Variants in PCDH15 observed in about 807,000 individuals in gnomAD.
PCDH15 encodes protocadherin-15.
PCDH15 carries 129 observed loss-of-function variants against 178.5 expected under a neutral mutation model. That is an observed-to-expected ratio of 0.72 (90% CI 0.63 to 0.84). The LOEUF is 0.84. Among genes scored for constraint, PCDH15 ranks in the 40% least tolerant of loss-of-function variants. The pLI is 0.00. For synonymous variants in PCDH15, 800 were observed against 732.0 expected, an observed-to-expected ratio of 1.09 and a Z score of -1.50; for missense variants, 2,230 against 2,099.9, an observed-to-expected ratio of 1.06 and a Z score of -1.21.
At chr10:54,097,280 A>G (rs1481861949) in intron 15 of PCDH15, among the ~76,000 whole-genome samples, 1 of 152,200 alleles carries the variant, frequency 6.6e-6, no homozygotes, top group African/African-American at 2.4e-5. Context: ...GAATGATTTC[A>G]TCTCTACTAC....
intron 2 of PCDH15, among the ~76,000 whole-genome samples, chr10:54,634,452 T>C (rs1326984959): frequency 6.6e-6 from 1 of 152,070 alleles, no homozygotes; most frequent in African/African-American, 2.4e-5. Context: ...ATTTTAATTA[T>C]TGGAGGTCAT....
chr10:55,266,105 A>G (rs138234368), intron 1 of PCDH15, among the ~76,000 whole-genome samples: 1 of 152,282 alleles, frequency 6.6e-6, no homozygotes, highest in East Asian at 1.9e-4. Flanking sequence ...TGTTGCTGTT[A>G]CTATATTTCA....
intron 8 of PCDH15, among the ~76,000 whole-genome samples, chr10:54,239,405 C>G (rs1298808916): frequency 7.0e-6 from 1 of 142,136 alleles, no homozygotes; most frequent in African/African-American, 2.9e-5. Context: ...ACACATTTGC[C>G]TGTGATTAAA....
chr10:53,885,541 T>C (rs1392934475), intron 26 of PCDH15, among the ~76,000 whole-genome samples: 4 of 152,148 alleles, frequency 2.6e-5, no homozygotes, highest in East Asian at 1.9e-4. Context: ...GAGATAATTA[T>C]TTATTTTTTC....
At chr10:54,076,364 CAT>C (rs754796645) in intron 17 of PCDH15, among the ~76,000 whole-genome samples, 21 of 152,202 alleles carry the variant, frequency 1.4e-4, no homozygotes, top group Admixed American at 2.6e-4. Flanking sequence ...AAACATGAAA[CAT>C]GTGTATGGAA....
intron 17 of PCDH15, among the ~76,000 whole-genome samples, chr10:54,077,805 G>A (rs1167723767): frequency 2.0e-5 from 3 of 152,210 alleles, no homozygotes; most frequent in African/African-American, 7.2e-5. Context: ...GCTCACGCCT[G>A]TAACCCCAGC....
chr10:54,107,916 G>A (rs2094946387), intron 15 of PCDH15, among the ~76,000 whole-genome samples: 1 of 152,178 alleles, frequency 6.6e-6, no homozygotes, highest in African/African-American at 2.4e-5. Context: ...TAAGCAGAAT[G>A]TTTAGGACTG....
intron 18 of PCDH15, among the ~76,000 whole-genome samples, chr10:54,036,914 A>T (rs890947624): frequency 2.0e-5 from 3 of 151,954 alleles, no homozygotes; most frequent in African/African-American, 7.2e-5. Flanking sequence ...ATCAACATTA[A>T]TAGAAGCTTG....
intron 2 of PCDH15, among the ~76,000 whole-genome samples, chr10:55,612,896 G>T (rs1481595997): frequency 6.0e-5 from 9 of 151,234 alleles, no homozygotes; most frequent in Non-Finnish European, 1.0e-4. Context: ...CTTTATAATT[G>T]AAACAATATA....
chr10:54,715,534 A>G (rs545971761), intron 1 of PCDH15, among the ~76,000 whole-genome samples: 2 of 152,256 alleles, frequency 1.3e-5, no homozygotes, highest in African/African-American at 4.8e-5. Flanking sequence ...AAGGGAGAAG[A>G]TAGTGGGCAA....
At chr10:53,812,350 G>C (rs2075897898) in intron 35 of PCDH15, among the ~76,000 whole-genome samples, 2 of 151,578 alleles carry the variant, frequency 1.3e-5, no homozygotes, top group Non-Finnish European at 2.9e-5. Context: ...TGGGGCTACA[G>C]GCGCCCGCCA....
chr10:54,630,212 A>G (rs1184735462), intron 2 of PCDH15, among the ~76,000 whole-genome samples: 1 of 152,188 alleles, frequency 6.6e-6, no homozygotes, highest in Non-Finnish European at 1.5e-5. Context: ...AGCTAAAGCA[A>G]TACTAAGTGA....
At chr10:54,345,692 TAACACAGTGA>T (rs1292010878) in intron 6 of PCDH15, among the ~76,000 whole-genome samples, 2 of 149,316 alleles carry the variant, frequency 1.3e-5, no homozygotes, top group Non-Finnish European at 3.0e-5. Flanking sequence ...CCATCCTGGC[TAACACAGTGA>T]AACCCCATCT....
intron 2 of PCDH15, among the ~76,000 whole-genome samples, chr10:55,117,968 T>C (rs1837668466): frequency 6.6e-6 from 1 of 152,172 alleles, no homozygotes; most frequent in African/African-American, 2.4e-5. Context: ...CCTTCAGTTA[T>C]GCAAACGGAG....
chr10:55,446,426 A>T lies in PCDH15; in HGVS notation c.-156+181199T>A, dbSNP rs777823111. 9.6e-4 allele frequency among the ~76,000 whole-genome samples: 146 copies of T among 152,166 alleles called. 1 individual carries two copies. The highest frequency in any genetic ancestry group is 1.6e-3 in the Non-Finnish European group (110 of 67,976). ...TGAGGGTTCTAGAGAAATGTTTTTA[A>T]AATGATAGAAGAAAATCTATGTGAA... On this transcript the variant is annotated intron_variant, in intron 2 of 5. Transcript: ENST00000613346.
intron 17 of PCDH15, among the ~76,000 whole-genome samples, chr10:54,070,904 TTTG>T (rs927869347): frequency 8.5e-5 from 13 of 152,074 alleles, no homozygotes; most frequent in African/African-American, 2.4e-4. Context: ...TCTTTTGTTT[TTTG>T]TTGTTGTTGT....
At chr10:55,361,932 G>C (rs902505274) in intron 2 of PCDH15, among the ~76,000 whole-genome samples, 3 of 151,996 alleles carry the variant, frequency 2.0e-5, no homozygotes, top group Admixed American at 6.6e-5. Flanking sequence ...CATGTATTAC[G>C]TTTACCATGG....
chr10:54,581,691 A>G (rs758638947), intron 2 of PCDH15, among the ~76,000 whole-genome samples: 1 of 152,094 alleles, frequency 6.6e-6, no homozygotes, highest in South Asian at 2.1e-4. Flanking sequence ...AGTCTACAAT[A>G]TCCAAAATAG....
chr10:55,330,920 A>G (rs145064968), intron 2 of PCDH15, among the ~76,000 whole-genome samples: 4 of 150,932 alleles, frequency 2.7e-5, no homozygotes, highest in East Asian at 2.0e-4. Flanking sequence ...TTAAGTATTA[A>G]TTTTGAGCTG....
Sources: allele counts gnomAD v4.1 joint callset (sites outside exome capture counted in the v4.1 genomes callset), GRCh38; gene constraint gnomAD v4.1.1; transcripts MANE v1.5; gene names NCBI Gene and HGNC (gene_info 2026-07-23, HGNC 2026-07-21).